Variants in SEC23A observed in about 807,000 individuals in gnomAD.
SEC23A encodes protein transport protein Sec23A.
Under a neutral mutation model 103.7 loss-of-function variants are expected in SEC23A, and 56 were observed. The observed-to-expected ratio is 0.54, with a 90% CI of 0.44 to 0.67. The LOEUF (loss-of-function observed/expected upper bound fraction) is 0.67, where lower values mean the gene tolerates loss of function less well. Ranked by LOEUF, SEC23A falls within the 30% of genes least tolerant of loss-of-function variation. The pLI is 0.00. For missense variants in SEC23A, 784 were observed against 936.4 expected (o/e 0.84, Z 2.12); for synonymous variants, 281 against 293.0 (o/e 0.96, Z 0.42).
In SEC23A at chr14:39,094,391, CACACACATATATATATATATAT is replaced by C. The variant is rs1339804765; in HGVS notation, c.222-1169_222-1148del. Reference sequence around the variant, plus strand: ...ATATATATACACACACACACACACACACACACATATATATATATATATATATATATATATATATATATATATA... The same window carrying C: ...ATATATATACACACACACACACACACATATATATATATATATATATATATA... On this transcript the variant is annotated intron_variant, in intron 2 of 19. Coordinates refer to ENST00000307712, the MANE Select transcript of SEC23A (RefSeq NM_006364.4). Among the ~76,000 whole-genome samples, 56 of 39,452 alleles carry C rather than the reference CACACACATATATATATATATAT, an allele frequency of 1.4e-3. 9 individuals carry two copies. Among genetic ancestry groups the C allele is most frequent in the African/African-American group, 3.4e-3 (38 of 11,236 alleles). The allele number at this position is 39,452 out of a possible 152,430, so 25.9% of individuals were successfully genotyped here. A position where few individuals can be genotyped will look rare whatever the true frequency, so the allele number is the denominator to read the frequency against.
chr14:39,034,337 T>A (rs1885394013), intron 19 of SEC23A, among the ~76,000 whole-genome samples: 1 of 152,218 alleles, frequency 6.6e-6, no homozygotes, highest in South Asian at 2.1e-4. Flanking sequence ...CACAAGTTGT[T>A]GTAATGATTA....
intron 17 of SEC23A, among the ~76,000 whole-genome samples, chr14:39,042,492 C>T (rs1239370825): frequency 6.6e-6 from 1 of 152,186 alleles, no homozygotes; most frequent in African/African-American, 2.4e-5. Context: ...TTAATGTTTT[C>T]AGGTAAAACC....
At chr14:39,094,397 CATATATATATATAT>C (rs1242407974) in intron 2 of SEC23A, among the ~76,000 whole-genome samples, 91 of 7,904 alleles carry the variant, frequency 0.012, 13 homozygotes, top group East Asian at 0.051. Context: ...CACACACACA[CATATATATATATAT>C]ATATATATAT....
rs184519549 is a variant in SEC23A at position 39,074,933 on chromosome 14, C to A, written c.988-403G>T. ...CCATCCTGGCAAACACGGTGAAACC[C>A]CGTCTCTACTAAAAATATAAAAAAT... On this transcript the variant is annotated intron_variant, in intron 8 of 19. Transcript: ENST00000307712. Among the ~76,000 whole-genome samples the A allele has an allele frequency of 3.3e-3, 501 of 152,172 alleles. 6 individuals carry two copies. Among genetic ancestry groups the A allele is most frequent in the Admixed American group, 5.5e-3 (84 of 15,278 alleles).
intron 2 of SEC23A, chr14:39,094,936 A>G (rs1887834503): frequency 2.9e-6 from 2 of 686,676 alleles, no homozygotes; most frequent in Admixed American, 4.4e-5. Flanking sequence ...TCTCATTCCA[A>G]GAATAAGAAG....
chr14:39,050,633 T>A (rs1594443766), intron 14 of SEC23A, among the ~76,000 whole-genome samples: 1 of 152,182 alleles, frequency 6.6e-6, no homozygotes, highest in East Asian at 1.9e-4. Flanking sequence ...CCATCAATTT[T>A]AAGTTGTGAA....
At position 39,063,370 on chromosome 14, in the gene SEC23A, A is replaced by G. The variant is rs766350416; in HGVS notation, c.1352T>C (p.Leu451Pro). The G allele has an allele frequency of 6.2e-7, 1 of 1,612,772 alleles. No homozygotes were observed. The highest frequency in any genetic ancestry group is 8.5e-7 in the Non-Finnish European group (1 of 1,178,942). Reference sequence around the variant, plus strand: ...TATGGCTAAGGTTGTAGTGGGACTAAGTCCACATATCTTCCACTGACATGT... The same window carrying G: ...TATGGCTAAGGTTGTAGTGGGACTAGGTCCACATATCTTCCACTGACATGT... ...GGTCQWKICG[L>P]SPTTTLAIYF... Residue 451 changes from leucine (L) to proline (P), a missense_variant, in exon 12 of 20, where the codon CTT becomes CCT. By Grantham distance (98) the Leu-to-Pro change is moderately conservative. This residue lies in a region of SEC23A where 683 missense variants were observed against 774.2 expected (regional missense o/e 0.88). Coordinates refer to ENST00000307712, the MANE Select transcript of SEC23A (RefSeq NM_006364.4).
At chr14:39,051,887 G>C (rs1886073182) in intron 14 of SEC23A, among the ~76,000 whole-genome samples, 1 of 151,890 alleles carries the variant, frequency 6.6e-6, no homozygotes, top group South Asian at 2.1e-4. Context: ...AGGATTGCTT[G>C]AACCTGGAGG....
At position 39,042,886 on chromosome 14, in the gene SEC23A, A is replaced by G. The variant is rs540704554; in HGVS notation, c.1900-14T>C. On this transcript the variant is annotated splice_polypyrimidine_tract_variant and intron_variant, in intron 16 of 19. Transcript: ENST00000307712. The stretch of plus-strand genomic sequence containing the variant: ...AAGAAGAACCGGCTAACGTAAAGAA[A>G]ACAATGAGAAATGAGGAAAAAGGAA... 2 of 1,562,180 alleles carry G rather than the reference A, an allele frequency of 1.3e-6. No homozygotes were observed. The highest frequency in any genetic ancestry group is 3.3e-5 in the Admixed American group (2 of 59,910).
chr14:39,053,518 T>G (rs1447290887), intron 14 of SEC23A, among the ~76,000 whole-genome samples: 3 of 151,800 alleles, frequency 2.0e-5, no homozygotes, highest in Non-Finnish European at 2.9e-5. Flanking sequence ...CTTTCTTGTT[T>G]TTTTTTTTTA....
intron 14 of SEC23A, among the ~76,000 whole-genome samples, chr14:39,049,836 A>G (rs889185559): frequency 3.3e-5 from 5 of 150,656 alleles, no homozygotes; most frequent in African/African-American, 7.3e-5. Flanking sequence ...TCTGTCACCC[A>G]GGATGGAGTG....
chr14:39,064,522 A>AT (rs1886590878), intron 11 of SEC23A: 1 of 157,852 alleles, frequency 6.3e-6, no homozygotes, highest in African/African-American at 2.4e-5. Context: ...GCAAGACATA[A>AT]TTTAGGCATA....
chr14:39,094,440 ATATTT>A lies in SEC23A; in HGVS notation c.222-1201_222-1197del, dbSNP rs1566515406. On this transcript the variant is annotated intron_variant, in intron 2 of 19. Coordinates refer to ENST00000307712, the MANE Select transcript of SEC23A (RefSeq NM_006364.4). The stretch of plus-strand genomic sequence containing the variant: ...TATATATATATATATATATATATAT[ATATTT>A]TTTTTTTTTTTTTTTCCCCTCCTGT... 2.1e-3 allele frequency among the ~76,000 whole-genome samples: 28 copies of A among 13,078 alleles called. 4 individuals are homozygous for A. Among genetic ancestry groups the A allele is most frequent in the East Asian group, 6.8e-3 (3 of 440 alleles). The allele number at this position is 13,078 out of a possible 152,430, so 8.6% of individuals were successfully genotyped here.
At chr14:39,055,088 A>G in intron 14 of SEC23A, 55 bp downstream of exon 14, 1 of 1,602,464 alleles carries the variant, frequency 6.2e-7, no homozygotes, top group Middle Eastern at 1.7e-4. Flanking sequence ...TGCAACAAAC[A>G]TTTACTACAA....
At chr14:39,057,359 G>T (rs141938150) in intron 13 of SEC23A, among the ~76,000 whole-genome samples, 3 of 151,584 alleles carry the variant, frequency 2.0e-5, no homozygotes, top group Admixed American at 2.0e-4. Context: ...AAAAAACAGA[G>T]ATTTTTTTAA....
chr14:39,046,794 G>A (rs1875654933), intron 15 of SEC23A, among the ~76,000 whole-genome samples: 1 of 152,062 alleles, frequency 6.6e-6, no homozygotes, highest in Admixed American at 6.5e-5. Context: ...AGTTACACTG[G>A]GTCTTTGATA....
chr14:39,052,846 C>G (rs1387082987), intron 14 of SEC23A, among the ~76,000 whole-genome samples: 1 of 152,108 alleles, frequency 6.6e-6, no homozygotes, highest in African/African-American at 2.4e-5. Flanking sequence ...GGACAAGATG[C>G]TGTCTGAGGC....
rs1566491569 is a variant in SEC23A at position 39,059,300 on chromosome 14, A to AAAAAAAAAAAC, written c.1505+2454_1505+2464dup. Among the ~76,000 whole-genome samples the AAAAAAAAAAAC allele has an allele frequency of 5.1e-4, 51 of 100,868 alleles. 3 individuals are homozygous for AAAAAAAAAAAC. Among genetic ancestry groups the AAAAAAAAAAAC allele is most frequent in the Middle Eastern group, 5.4e-3 (1 of 186 alleles). 66.2% of individuals were successfully genotyped at this position (100,868 alleles called of 152,430 possible). On this transcript the variant is annotated intron_variant, in intron 13 of 19. Transcript: ENST00000307712. Reference sequence around the variant, plus strand: ...GTTTAAAAAAAAAAAAAAAAAAAAAAAAAAAAAAAACAACAAGGTGCTCTG... The same window carrying AAAAAAAAAAAC: ...GTTTAAAAAAAAAAAAAAAAAAAAAAAAAAAAAAAACAAAAAAAAAACAACAAGGTGCTCTG...
rs769142248 is a variant in SEC23A, at chr14:39,075,938, A to G, written c.984T>C (p.Thr328=). ...KDNAKYVKKG[T]KHFEALANRA... Reference sequence around the variant, plus strand: ...AATATTTAACAGTCAAAATTACCTTAGTTCCCTTTTTAACATATTTGGCAT... The same window carrying G: ...AATATTTAACAGTCAAAATTACCTTGGTTCCCTTTTTAACATATTTGGCAT... The change falls in exon 8 of 20, where the codon ACT becomes ACC. Residue 328 remains threonine (T), a synonymous_variant. Transcript: ENST00000307712. The G allele has an allele frequency of 1.9e-6, 3 of 1,613,804 alleles. No individual in the cohort carries two copies. Among genetic ancestry groups the G allele is most frequent in the Non-Finnish European group, 2.5e-6 (3 of 1,179,776 alleles).
Sources: gnomAD v4.1 joint callset for allele counts (sites outside exome capture counted in the v4.1 genomes callset) on GRCh38, gnomAD v4.1.1 for gene constraint, gnomAD v4.1.1 regional missense constraint, MANE v1.5 for transcripts, NCBI Gene and HGNC (gene_info 2026-07-23, HGNC 2026-07-21) for gene names.